CRKL: variants seen among roughly 807,000 people sequenced by gnomAD.
CRKL encodes CRK like proto-oncogene, adaptor protein.
A neutral mutation model predicts 23.0 loss-of-function variants in CRKL; 3 were observed. The ratio of observed to expected loss-of-function variants is 0.13; its 90% CI spans 0.06 to 0.34. The LOEUF is 0.34. CRKL is among the 10% of genes least tolerant of loss of function. The pLI, the probability that CRKL is intolerant of heterozygous loss-of-function variation, is 1.00. For missense variants in CRKL, 256 were observed against 394.5 expected, an observed-to-expected ratio of 0.65 and a Z score of 2.97; for synonymous variants, 188 against 160.7, an observed-to-expected ratio of 1.17 and a Z score of -1.28.
chr22:20,928,489 A>G (rs1436398051), intron 1 of CRKL, among the ~76,000 whole-genome samples: 1 of 151,836 alleles, frequency 6.6e-6, no homozygotes, highest in Non-Finnish European at 1.5e-5. Flanking sequence ...AAAAAAAACT[A>G]TCATCTGTGT....
Position 20,917,922 on chromosome 22 carries a change from C to G in CRKL, c.-13C>G, listed in dbSNP as rs906981325. 5 of 1,610,020 alleles carry G rather than the reference C, an allele frequency of 3.1e-6. No homozygotes were observed. The highest frequency in any genetic ancestry group is 3.4e-6 in the Non-Finnish European group (4 of 1,178,154). Reference sequence around the variant, plus strand: ...CGCCGCCCCTACCGCCGCAGAGTCCCCGGTCCAACACCATGTCCTCCGCCA... The same window carrying G: ...CGCCGCCCCTACCGCCGCAGAGTCCGCGGTCCAACACCATGTCCTCCGCCA... On this transcript the variant is annotated 5_prime_UTR_variant, in exon 1 of 3. Coordinates refer to ENST00000354336, the MANE Select transcript of CRKL (RefSeq NM_005207.4).
intron 2 of CRKL, among the ~76,000 whole-genome samples, chr22:20,940,321 C>T (rs1921825174): frequency 6.6e-6 from 1 of 152,128 alleles, no homozygotes; most frequent in Non-Finnish European, 1.5e-5. Context: ...TCTAAATTCT[C>T]ACAAACCATC....
At position 20,918,209 on chromosome 22, in the gene CRKL, A is replaced by G. The variant is rs1338868128; in HGVS notation, c.275A>G (p.Tyr92Cys). 2 of 1,613,852 alleles carry G rather than the reference A, an allele frequency of 1.2e-6. No individual in the cohort carries two copies. The highest frequency in any genetic ancestry group is 1.1e-5 in the South Asian group (1 of 91,070). ...CTGCTGGAGTTTTACAAGATCCACT[A>G]CCTGGACACCACCACCCTCATCGAG... Reference protein sequence around the residue: ...PALLEFYKIHYLDTTTLIEPA... With the variant: ...PALLEFYKIHCLDTTTLIEPA... Residue 92 changes from tyrosine to cysteine, a missense_variant, in exon 1 of 3, where the codon TAC becomes TGC. Tyr to Cys is a radical substitution (Grantham distance 194, BLOSUM62 -2). Coordinates refer to ENST00000354336, the MANE Select transcript of CRKL (RefSeq NM_005207.4).
At chr22:20,944,785 G>C (rs5761467) in intron 2 of CRKL, among the ~76,000 whole-genome samples, 1 of 151,094 alleles carries the variant, frequency 6.6e-6, no homozygotes, top group East Asian at 1.9e-4. Context: ...CCTCACTCCC[G>C]CTCCATTGCC....
chr22:20,934,375 A>G (rs370142950), intron 2 of CRKL, 131 bp downstream of exon 2: 8 of 811,770 alleles, frequency 9.9e-6, no homozygotes, highest in Non-Finnish European at 1.1e-5. Context: ...GAAGATACGC[A>G]CTGTTAGCGT....
rs369615177 is a variant in CRKL, at chr22:20,917,913, G to T, written c.-22G>T. ...GAGGACAGCCGCCGCCCCTACCGCC[G>T]CAGAGTCCCCGGTCCAACACCATGT... On this transcript the variant is annotated 5_prime_UTR_variant, in exon 1 of 3. Coordinates refer to ENST00000354336, the MANE Select transcript of CRKL (RefSeq NM_005207.4). 2 of 1,604,448 alleles carry T rather than the reference G, an allele frequency of 1.2e-6. No individual in the cohort carries two copies. Among genetic ancestry groups the T allele is most frequent in the Non-Finnish European group, 1.7e-6 (2 of 1,175,230 alleles).
chr22:20,947,652 TTTC>T (rs1922112874), intron 2 of CRKL, among the ~76,000 whole-genome samples: 1 of 149,296 alleles, frequency 6.7e-6, no homozygotes, highest in African/African-American at 2.5e-5. Context: ...TTTCTTTTCT[TTTC>T]TTTTCTTTTT....
chr22:20,918,039 G>C lies in CRKL; in HGVS notation c.105G>C (p.Met35Ile), dbSNP rs770661007. 4 of 1,614,140 alleles carry C rather than the reference G, an allele frequency of 2.5e-6. No homozygotes were observed. In the African/African-American group the frequency reaches 5.3e-5, roughly 22 times the overall value. Residue 35 changes from methionine to isoleucine, a missense_variant, in exon 1 of 3, where the codon ATG becomes ATC. Around this residue, in one of 3 missense-constraint regions of CRKL, gnomAD observed 85 missense variants for 139.8 expected, o/e 0.61. Transcript: ENST00000354336. Reference protein sequence around the residue: ...QTRLQGQRHGMFLVRDSSTCP... With the variant: ...QTRLQGQRHGIFLVRDSSTCP... ...GGCTCCAGGGCCAGCGCCACGGTAT[G>C]TTCCTCGTCCGCGATTCTTCCACCT...
At position 20,950,424 on chromosome 22, in the gene CRKL, G is replaced by GT. The variant is rs1234634327; in HGVS notation, c.*586dup. ...TGTTTTGTTTTGTTTGTTTTGTTTT[G>GT]TTTTTTTGAGACGGTGTCTCGCTGC... On this transcript the variant is annotated 3_prime_UTR_variant, in exon 3 of 3. Coordinates refer to ENST00000354336, the MANE Select transcript of CRKL (RefSeq NM_005207.4). 7 of 226,606 alleles carry GT rather than the reference G, an allele frequency of 3.1e-5. No individual in the cohort carries two copies. The highest frequency in any genetic ancestry group is 6.2e-5 in the East Asian group (1 of 16,110). The allele number at this position is 226,606 out of a possible 1,614,324, so 14.0% of individuals were successfully genotyped here.
At chr22:20,933,723 A>G (rs2147904332) in intron 1 of CRKL, 56 bp from the exon 2 acceptor site, 1 of 1,393,170 alleles carries the variant, frequency 7.2e-7, no homozygotes, top group Non-Finnish European at 9.9e-7. Flanking sequence ...GAAGTTTGAC[A>G]GGCACTGGCT....
chr22:20,934,458 G>A (rs967342883), intron 2 of CRKL, among the ~76,000 whole-genome samples: 1 of 152,116 alleles, frequency 6.6e-6, no homozygotes, highest in African/African-American at 2.4e-5. Context: ...CTGATTTCGA[G>A]GTCCTGGCCT....
At chr22:20,932,663 G>T (rs1921498344) in intron 1 of CRKL, among the ~76,000 whole-genome samples, 1 of 152,210 alleles carries the variant, frequency 6.6e-6, no homozygotes, top group African/African-American at 2.4e-5. Flanking sequence ...AACAGAGATG[G>T]AGTGTATGTG....
At position 20,950,516 on chromosome 22, in the gene CRKL, C is replaced by T. The variant is rs1358976955; in HGVS notation, c.*671C>T. Reference sequence around the variant, plus strand: ...GCAGTCTCCGCCTCCTGAGTTCAAGCGATTCTCCTGCCTCAGCCTCCCAAG... The same window carrying T: ...GCAGTCTCCGCCTCCTGAGTTCAAGTGATTCTCCTGCCTCAGCCTCCCAAG... On this transcript the variant is annotated 3_prime_UTR_variant, in exon 3 of 3. Transcript: ENST00000354336. 1.3e-5 allele frequency: 3 copies of T among 226,758 alleles called. No homozygotes were observed. Among genetic ancestry groups the T allele is most frequent in the East Asian group, 6.3e-5 (1 of 15,750 alleles). 14.0% of individuals were successfully genotyped at this position (226,758 alleles called of 1,614,324 possible).
At chr22:20,918,295 G>C (rs1929764955) in intron 1 of CRKL, 50 bp downstream of exon 1, 2 of 1,584,216 alleles carry the variant, frequency 1.3e-6, no homozygotes, top group Admixed American at 1.8e-5. Flanking sequence ...AACCGGGTCT[G>C]TCGAAGAGTG....
rs200264489 is a variant in CRKL at position 20,947,241 on chromosome 22, CT to C, written c.778-2456del. Among the ~76,000 whole-genome samples the C allele has an allele frequency of 2.0e-3, 289 of 143,334 alleles. 1 individual carries two copies. Among genetic ancestry groups the C allele is most frequent in the East Asian group, 9.0e-3 (45 of 4,976 alleles). 94.0% of individuals were successfully genotyped at this position (143,334 alleles called of 152,430 possible). A position where few individuals can be genotyped will look rare whatever the true frequency, so the allele number is the denominator to read the frequency against. ...TTTTATGTGTTTTCTGTCTCTCTCT[CT>C]TTTTTTTTTTTTTCAATAGAAGCTA... On this transcript the variant is annotated intron_variant, in intron 2 of 2. Coordinates refer to ENST00000354336, the MANE Select transcript of CRKL (RefSeq NM_005207.4).
intron 2 of CRKL, among the ~76,000 whole-genome samples, chr22:20,942,638 T>C (rs1921921261): frequency 6.6e-6 from 1 of 152,128 alleles, no homozygotes; most frequent in African/African-American, 2.4e-5. Context: ...TTTTTTTTTT[T>C]GAAACGGAGT....
intron 1 of CRKL, among the ~76,000 whole-genome samples, chr22:20,928,941 G>GTTTAAAGATGTT (rs1810692586): frequency 6.6e-6 from 1 of 151,914 alleles, no homozygotes; most frequent in Admixed American, 6.6e-5. Flanking sequence ...TTAGCACTTG[G>GTTTAAAGATGTT]TTTAAAGATG....
chr22:20,924,191 A>AAATG (rs945691285), intron 1 of CRKL, among the ~76,000 whole-genome samples: 30 of 152,240 alleles, frequency 2.0e-4, no homozygotes, highest in African/African-American at 6.0e-4. Context: ...TTGTCTCAAA[A>AAATG]AATGAATGAA....
At chr22:20,923,426 C>T (rs945659664) in intron 1 of CRKL, among the ~76,000 whole-genome samples, 6 of 151,600 alleles carry the variant, frequency 4.0e-5, no homozygotes, top group Non-Finnish European at 8.8e-5. Flanking sequence ...TACAGGTGCC[C>T]GCCACCATGC....
Sources: allele counts gnomAD v4.1 joint callset (sites outside exome capture counted in the v4.1 genomes callset), GRCh38; gene constraint gnomAD v4.1.1; regional missense constraint gnomAD v4.1.1; transcripts MANE v1.5; gene names NCBI Gene and HGNC (gene_info 2026-07-23, HGNC 2026-07-21).